The following PHACTR1 variants were observed in gnomAD, a reference collection of about 807,000 sequenced individuals.
PHACTR1 encodes the protein RPEL repeat containing 1.
In PHACTR1, 16 loss-of-function variants were observed where a neutral mutation model predicts 69.2. The ratio of observed to expected loss-of-function variants is 0.23; its 90% CI spans 0.16 to 0.35. The LOEUF is 0.35. PHACTR1 is among the 10% of genes least tolerant of loss of function. The probability of loss-of-function intolerance (pLI) is 1.00; values close to 1 mark genes in which losing one functional copy is unlikely to be tolerated. For missense variants in PHACTR1, 510 were observed against 734.7 expected (o/e 0.69, Z 3.54); for synonymous variants, 312 against 284.5 (o/e 1.10, Z -0.97).
At chr6:13,174,258 A>G (rs917102253) in intron 6 of PHACTR1, among the ~76,000 whole-genome samples, 1 of 152,254 alleles carries the variant, frequency 6.6e-6, no homozygotes, top group East Asian at 1.9e-4. Flanking sequence ...AGAAAAGGCA[A>G]TTAGCAAATG....
At chr6:13,119,164 G>T (rs1818272760) in intron 5 of PHACTR1, among the ~76,000 whole-genome samples, 1 of 151,974 alleles carries the variant, frequency 6.6e-6, no homozygotes, top group African/African-American at 2.4e-5. Context: ...TTCTCACATG[G>T]TGGAAGATAG....
intron 6 of PHACTR1, among the ~76,000 whole-genome samples, chr6:13,164,002 G>A (rs543192037): frequency 6.1e-4 from 93 of 151,620 alleles, no homozygotes; most frequent in African/African-American, 2.1e-3. Context: ...CCTATCAACA[G>A]GCCCAAGAAT....
intron 10 of PHACTR1, among the ~76,000 whole-genome samples, chr6:13,258,298 T>C (rs911247763): frequency 1.3e-5 from 2 of 150,342 alleles, no homozygotes; most frequent in Non-Finnish European, 3.0e-5. Context: ...GAGGTTGTAG[T>C]GAGCTGAGAT....
intron 5 of PHACTR1, among the ~76,000 whole-genome samples, chr6:13,073,448 A>G (rs1370861753): frequency 1.4e-5 from 2 of 141,512 alleles, no homozygotes; most frequent in Non-Finnish European, 3.0e-5. Context: ...GGTCCAAGTG[A>G]TTCTTCTGCC....
intron 4 of PHACTR1, among the ~76,000 whole-genome samples, chr6:12,919,469 C>G (rs552881170): frequency 1.3e-5 from 2 of 152,282 alleles, no homozygotes; most frequent in East Asian, 3.9e-4. Context: ...AAAAAAGAAA[C>G]ACAATCACAT....
chr6:12,944,239 G>A (rs1790357966), intron 4 of PHACTR1, among the ~76,000 whole-genome samples: 1 of 152,220 alleles, frequency 6.6e-6, no homozygotes, highest in African/African-American at 2.4e-5. Flanking sequence ...GCTACTGAGA[G>A]AGACGCTGAG....
At chr6:13,209,993 A>T (rs1213194677) in intron 8 of PHACTR1, among the ~76,000 whole-genome samples, 1 of 151,696 alleles carries the variant, frequency 6.6e-6, no homozygotes, top group Non-Finnish European at 1.5e-5. Context: ...ATTTATATGG[A>T]GAAGTTACTT....
intron 5 of PHACTR1, among the ~76,000 whole-genome samples, chr6:13,139,539 T>C (rs1822098495): frequency 6.6e-6 from 1 of 152,212 alleles, no homozygotes; most frequent in African/African-American, 2.4e-5. Context: ...CCCAAAAAAC[T>C]TTCATTTGAG....
chr6:13,149,084 GAA>G (rs375338342), intron 5 of PHACTR1, among the ~76,000 whole-genome samples: 143,685 of 152,256 alleles, frequency 0.94, 68,207 homozygotes, highest in Non-Finnish European at 0.99. Flanking sequence ...ATGTTTACCA[GAA>G]CATTTGATGA....
At chr6:13,277,752 G>A (rs535641883) in intron 11 of PHACTR1, among the ~76,000 whole-genome samples, 21 of 152,144 alleles carry the variant, frequency 1.4e-4, no homozygotes, top group Admixed American at 2.6e-4. Context: ...GTTCAAGACC[G>A]GCCTGAACAA....
intron 7 of PHACTR1, chr6:13,184,975 C>T (rs1267858915): frequency 2.2e-6 from 3 of 1,366,406 alleles, no homozygotes; most frequent in South Asian, 2.3e-5. Context: ...GCCTCCCAAA[C>T]CCACTACCAG....
chr6:12,860,948 A>G (rs1780881908), intron 4 of PHACTR1, among the ~76,000 whole-genome samples: 1 of 152,236 alleles, frequency 6.6e-6, no homozygotes, highest in Non-Finnish European at 1.5e-5. Context: ...GCAACACTAT[A>G]AAGTGGTTTT....
In PHACTR1 at chr6:13,287,310, A is replaced by AG; in HGVS notation, c.*232_*233insG. ...CACTTCTGACACCAAAATGCATCCC[A>AG]ACCCCCGGCAGTGCCAAGGGCACCA... On this transcript the variant is annotated 3_prime_UTR_variant, in exon 15 of 15. Transcript: ENST00000332995. The AG allele has an allele frequency of 1.8e-6, 1 of 549,664 alleles. No individual in the cohort carries two copies. 34.0% of individuals were successfully genotyped at this position (549,664 alleles called of 1,614,324 possible). A position where few individuals can be genotyped will look rare whatever the true frequency, so the allele number is the denominator to read the frequency against.
chr6:12,754,346 T>C (rs1767027150), intron 4 of PHACTR1, among the ~76,000 whole-genome samples: 2 of 152,132 alleles, frequency 1.3e-5, no homozygotes, highest in African/African-American at 4.8e-5. Context: ...ATAGGCATCC[T>C]CCTTCACTCT....
At chr6:13,163,243 CA>C (rs1367465861) in intron 6 of PHACTR1, among the ~76,000 whole-genome samples, 1 of 151,984 alleles carries the variant, frequency 6.6e-6, no homozygotes, top group African/African-American at 2.4e-5. Flanking sequence ...GATTCTGTCT[CA>C]AAAAAGGAAA....
intron 4 of PHACTR1, among the ~76,000 whole-genome samples, chr6:12,928,564 C>T (rs1189682368): frequency 6.6e-6 from 1 of 152,186 alleles, no homozygotes; most frequent in African/African-American, 2.4e-5. Flanking sequence ...TGCATCTGTG[C>T]AACTTACTTG....
At chr6:13,153,161 G>A (rs753731999) in intron 5 of PHACTR1, among the ~76,000 whole-genome samples, 4 of 152,178 alleles carry the variant, frequency 2.6e-5, no homozygotes, top group Non-Finnish European at 4.4e-5. Context: ...ATCCAGGGTC[G>A]GCAAGGCTCC....
intron 4 of PHACTR1, among the ~76,000 whole-genome samples, chr6:12,858,093 G>A (rs1414523286): frequency 3.9e-5 from 6 of 152,194 alleles, no homozygotes; most frequent in Non-Finnish European, 1.5e-5. Context: ...CAACATGAAA[G>A]TTAAAATAAT....
intron 3 of PHACTR1, among the ~76,000 whole-genome samples, chr6:12,747,875 G>T (rs1766008346): frequency 6.6e-6 from 1 of 152,120 alleles, no homozygotes; most frequent in Non-Finnish European, 1.5e-5. Flanking sequence ...AAGACAGGTT[G>T]TAGAGGGCTC....
Sources: allele counts gnomAD v4.1 joint callset (sites outside exome capture counted in the v4.1 genomes callset), GRCh38; gene constraint gnomAD v4.1.1; transcripts MANE v1.5; gene names NCBI Gene and HGNC (gene_info 2026-07-23, HGNC 2026-07-21).